Variants in LIPE observed in about 807,000 individuals in gnomAD.
LIPE encodes hormone-sensitive lipase.
In LIPE, 66 loss-of-function variants were observed where a neutral mutation model predicts 88.5. The observed-to-expected ratio is 0.75, with a 90% CI of 0.61 to 0.91. The LOEUF (loss-of-function observed/expected upper bound fraction) is 0.91, where lower values mean the gene tolerates loss of function less well. Among genes scored for constraint, LIPE ranks in the 40% least tolerant of loss-of-function variants. The pLI, the probability that LIPE is intolerant of heterozygous loss-of-function variation, is 0.00. For missense variants in LIPE, 1,346 were observed against 1,434.7 expected, an observed-to-expected ratio of 0.94 and a Z score of 1.00; for synonymous variants, 570 against 617.5, an observed-to-expected ratio of 0.92 and a Z score of 1.14.
intron 8 of LIPE, among the ~76,000 whole-genome samples, chr19:42,403,292 T>TGTGTGA (rs200935735): frequency 0.023 from 2,949 of 129,136 alleles, 247 homozygotes; most frequent in Non-Finnish European, 0.029. Context: ...TGTGTGTGTG[T>TGTGTGA]GACTGGGAAG....
chr19:42,407,325 G>A lies in LIPE; in HGVS notation c.1986C>T (p.Ser662=). The A allele has an allele frequency of 2.5e-6, 4 of 1,612,294 alleles. No individual in the cohort carries two copies. Among genetic ancestry groups the A allele is most frequent in the Non-Finnish European group, 3.4e-6 (4 of 1,179,352 alleles). ...GGGFVAQTSR[S]HEPYLKSWAQ... ...CCCAGCTCTTGAGGTAGGGCTCGTG[G>A]GATCTGGAGGTCTGGGCCACAAAGC... The change falls in exon 6 of 10, where the codon TCC becomes TCT. Residue 662 remains serine (S), a synonymous_variant. Transcript: ENST00000244289. The surrounding 1 kb of genome is among the most constrained non-coding windows in gnomAD (Gnocchi z 5.8).
At chr19:42,423,863 C>G (rs1042456575) in intron 1 of LIPE, 1 of 1,124,720 alleles carries the variant, frequency 8.9e-7, no homozygotes, top group Non-Finnish European at 1.1e-6. Flanking sequence ...AGGGAAGTCC[C>G]GATCTTCCCA....
intron 1 of LIPE, among the ~76,000 whole-genome samples, chr19:42,417,015 G>C (rs530151027): frequency 1.5e-4 from 23 of 152,290 alleles, no homozygotes; most frequent in African/African-American, 5.1e-4. Context: ...CCGCCTCCCG[G>C]GTTCACGCCA....
In LIPE at chr19:42,414,240, C is replaced by T. The variant is rs1005992655; in HGVS notation, c.884-3398G>A. 6.6e-6 allele frequency among the ~76,000 whole-genome samples: 1 copy of T among 151,580 alleles called. No individual in the cohort carries two copies. Among genetic ancestry groups the T allele is most frequent in the East Asian group, 1.9e-4 (1 of 5,166 alleles). Reference sequence around the variant, plus strand: ...AGTGAGCTGAGATCACGCCACTGTACTCCAGCCTGGCGATAAAGCGAGACT... The same window carrying T: ...AGTGAGCTGAGATCACGCCACTGTATTCCAGCCTGGCGATAAAGCGAGACT... On this transcript the variant is annotated intron_variant, in intron 1 of 9. Transcript: ENST00000244289. This position sits in a 1 kb window ranked among gnomAD's most constrained non-coding sequence, Gnocchi z 4.6.
rs1443339468 is a variant in LIPE, at chr19:42,426,542, T to C, written c.608A>G (p.Glu203Gly). The stretch of plus-strand genomic sequence containing the variant: ...CTGAAGTTTTGTTAGAAATCCCAGC[T>C]CTGTCAAAGATCCCTGCTTGGATTT... ...GAKSKQGSLT[E>G]LGFLTKLQEL... Residue 203 changes from glutamate (E) to glycine (G), a missense_variant, in exon 1 of 10, where the codon GAG (glutamate) becomes GGG (glycine). Transcript: ENST00000244289. 1 of 1,614,196 alleles carries C rather than the reference T, an allele frequency of 6.2e-7. No homozygotes were observed. The highest frequency in any genetic ancestry group is 1.7e-5 in the Admixed American group (1 of 60,022).
At chr19:42,425,484 C>G (rs2040690879) in intron 1 of LIPE, among the ~76,000 whole-genome samples, 2 of 152,102 alleles carry the variant, frequency 1.3e-5, no homozygotes, top group African/African-American at 4.8e-5. Context: ...ACCCTTACTT[C>G]TTTATTTTCT....
In LIPE at chr19:42,427,361, C is replaced by T. The variant is rs2040726591; in HGVS notation, c.-212G>A. 1.7e-5 allele frequency: 14 copies of T among 805,082 alleles called. No individual in the cohort carries two copies. The highest frequency in any genetic ancestry group is 2.5e-5 in the Non-Finnish European group (14 of 568,156). The allele number at this position is 805,082 out of a possible 1,614,324, so 49.9% of individuals were successfully genotyped here. On this transcript the variant is annotated 5_prime_UTR_variant, in exon 1 of 10. Transcript: ENST00000244289. Reference sequence around the variant, plus strand: ...CCCCACTAAGTAATGAACTCTGTGCCTCTTTCTTTGGTGGGAGGATTAGGA... The same window carrying T: ...CCCCACTAAGTAATGAACTCTGTGCTTCTTTCTTTGGTGGGAGGATTAGGA...
intron 1 of LIPE, chr19:42,424,813 G>A (rs2040678625): frequency 2.8e-6 from 1 of 355,562 alleles, no homozygotes; most frequent in Non-Finnish European, 5.6e-6. Context: ...CAGGGGTTTT[G>A]AGCCTAGAGA....
Position 42,401,597 on chromosome 19 carries a change from G to A in LIPE, c.*215C>T, listed in dbSNP as rs2039971118. Reference sequence around the variant, plus strand: ...CGTCCCTGCGGCGGTCGCCGCAGCAGCAGCAGCAAAAGGCAGCGGTGGCGT... The same window carrying A: ...CGTCCCTGCGGCGGTCGCCGCAGCAACAGCAGCAAAAGGCAGCGGTGGCGT... On this transcript the variant is annotated 3_prime_UTR_variant, in exon 10 of 10. Coordinates refer to ENST00000244289, the MANE Select transcript of LIPE (RefSeq NM_005357.4). 1.9e-6 allele frequency: 1 copy of A among 515,212 alleles called. No homozygotes were observed. The allele number at this position is 515,212 out of a possible 1,614,324, so 31.9% of individuals were successfully genotyped here.
In LIPE at chr19:42,426,434, C is replaced by T. The variant is rs151313125; in HGVS notation, c.716G>A (p.Gly239Glu). ...VTDSESESDV[G>E]SSSDTDSPAT... ...TGGAGAATCTGTGTCTGAAGATGATCCCACATCTGATTCTGACTCAGAATC... is the reference window on the plus strand; with the variant it reads ...TGGAGAATCTGTGTCTGAAGATGATTCCACATCTGATTCTGACTCAGAATC... Residue 239 changes from glycine (G) to glutamate (E), a missense_variant, in exon 1 of 10, where the codon GGA becomes GAA. Transcript: ENST00000244289. The T allele has an allele frequency of 7.7e-5, 124 of 1,614,058 alleles. No individual in the cohort carries two copies. Among genetic ancestry groups the T allele is most frequent in the Non-Finnish European group, 9.3e-5 (110 of 1,179,928 alleles).
Position 42,420,319 on chromosome 19 carries a change from C to T in LIPE, c.883+5948G>A, listed in dbSNP as rs193008953. 3.1e-3 allele frequency among the ~76,000 whole-genome samples: 478 copies of T among 152,096 alleles called. 2 individuals carry two copies. The highest frequency in any genetic ancestry group is 0.01 in the African/African-American group (426 of 41,466). On this transcript the variant is annotated intron_variant, in intron 1 of 9. Transcript: ENST00000244289. ...TCTGGGGTTCACGTGTACATATGTACCTCTGCAGGTATGTGTCATGGCTGG... is the reference window on the plus strand; with the variant it reads ...TCTGGGGTTCACGTGTACATATGTATCTCTGCAGGTATGTGTCATGGCTGG...
chr19:42,424,476 C>T, intron 1 of LIPE: 1 of 456,352 alleles, frequency 2.2e-6, no homozygotes, highest in South Asian at 1.5e-5. Flanking sequence ...CTCTGGAGGC[C>T]TGGAGAAACA....
At position 42,413,391 on chromosome 19, in the gene LIPE, C is replaced by T. The variant is rs1004850654; in HGVS notation, c.884-2549G>A. On this transcript the variant is annotated intron_variant, in intron 1 of 9. Transcript: ENST00000244289. ...TACAAGATTAGGGCCTTGGGCCAGGCGTGGTGGCTCACGCCTGTAATCCCA... is the reference window on the plus strand; with the variant it reads ...TACAAGATTAGGGCCTTGGGCCAGGTGTGGTGGCTCACGCCTGTAATCCCA... Among the ~76,000 whole-genome samples the T allele has an allele frequency of 7.2e-5, 11 of 152,302 alleles. No individual in the cohort carries two copies. In the East Asian group the frequency reaches 1.2e-3, roughly 16 times the overall value.
At chr19:42,426,201 T>C in intron 1 of LIPE, 66 bp downstream of exon 1, 1 of 1,510,272 alleles carries the variant, frequency 6.6e-7, no homozygotes, top group Non-Finnish European at 8.9e-7. Flanking sequence ...CGTAAGTTTT[T>C]AGTATTTTTT....
chr19:42,424,185 C>A, intron 1 of LIPE: 1 of 1,067,666 alleles, frequency 9.4e-7, no homozygotes, highest in African/African-American at 1.6e-5. Flanking sequence ...GCCCCCTAAT[C>A]CATGCTCCCG....
At chr19:42,416,459 C>G (rs2040489796) in intron 1 of LIPE, among the ~76,000 whole-genome samples, 1 of 152,200 alleles carries the variant, frequency 6.6e-6, no homozygotes, top group South Asian at 2.1e-4. Flanking sequence ...AACATATTTT[C>G]AGTGTAGATA....
intron 9 of LIPE, 27 bp from the exon 10 acceptor site, chr19:42,402,102 A>G (rs2039994935): frequency 6.9e-7 from 1 of 1,451,518 alleles, no homozygotes; most frequent in Non-Finnish European, 9.1e-7. Flanking sequence ...AGGGACGTGG[A>G]GAGAGGGTGG....
intron 1 of LIPE, chr19:42,423,394 C>G (rs1002699901): frequency 5.4e-6 from 7 of 1,288,542 alleles, no homozygotes; most frequent in Non-Finnish European, 7.1e-6. Context: ...TCCTTCCGGG[C>G]TGCTGCCGGT....
intron 7 of LIPE, 185 bp downstream of exon 7, chr19:42,405,976 T>TCTCTCTCA (rs1367305518): frequency 4.8e-6 from 2 of 418,578 alleles, no homozygotes; most frequent in African/African-American, 4.5e-5. Flanking sequence ...TCTCTCTCTC[T>TCTCTCTCA]CACACACACA....
Sources: allele counts gnomAD v4.1 joint callset (sites outside exome capture counted in the v4.1 genomes callset), GRCh38; gene constraint gnomAD v4.1.1; non-coding constraint Gnocchi (gnomAD v3.1); transcripts MANE v1.5; gene names NCBI Gene and HGNC (gene_info 2026-07-23, HGNC 2026-07-21).